Variants in MEIKIN observed in about 807,000 individuals in gnomAD.
The protein encoded by MEIKIN is meiotic kinetochore factor.
intron 11 of MEIKIN, among the ~76,000 whole-genome samples, chr5:131,847,139 G>A (rs1285019946): frequency 1.3e-5 from 2 of 151,956 alleles, no homozygotes; most frequent in Admixed American, 6.6e-5. Flanking sequence ...TGTAGAAAGT[G>A]AAGGACAAAA....
At chr5:131,941,526 T>C (rs1751870265) in intron 4 of MEIKIN, among the ~76,000 whole-genome samples, 1 of 152,188 alleles carries the variant, frequency 6.6e-6, no homozygotes, top group South Asian at 2.1e-4. Flanking sequence ...AGGCTACTTT[T>C]ACCTCTGCAG....
chr5:131,859,603 T>G (rs1750249088), intron 9 of MEIKIN, among the ~76,000 whole-genome samples: 1 of 152,164 alleles, frequency 6.6e-6, no homozygotes, highest in South Asian at 2.1e-4. Context: ...CCCTGAGGCC[T>G]CCCCAGAAGC....
At chr5:131,830,544 G>A (rs1042253998) in intron 11 of MEIKIN, among the ~76,000 whole-genome samples, 1 of 152,220 alleles carries the variant, frequency 6.6e-6, no homozygotes, top group Non-Finnish European at 1.5e-5. Context: ...AAAAATATCT[G>A]CTCAGCAAGA....
chr5:131,842,596 T>C (rs1228187942), intron 11 of MEIKIN, among the ~76,000 whole-genome samples: 43 of 152,178 alleles, frequency 2.8e-4, no homozygotes, highest in Admixed American at 2.8e-3. Context: ...TTGTGATTTG[T>C]TGATTTTTTT....
chr5:131,874,195 A>C (rs928856045), intron 9 of MEIKIN, among the ~76,000 whole-genome samples: 2 of 152,200 alleles, frequency 1.3e-5, no homozygotes, highest in African/African-American at 2.4e-5. Context: ...CGAAAAATTA[A>C]TGAATCCAGG....
intron 8 of MEIKIN, among the ~76,000 whole-genome samples, chr5:131,897,424 T>A (rs1432245221): frequency 6.6e-6 from 1 of 152,222 alleles, no homozygotes; most frequent in Non-Finnish European, 1.5e-5. Context: ...TGAATTTGAA[T>A]GTTGGCCTGC....
At chr5:131,881,499 T>C (rs1264131858) in intron 8 of MEIKIN, among the ~76,000 whole-genome samples, 4 of 152,206 alleles carry the variant, frequency 2.6e-5, no homozygotes, top group Non-Finnish European at 1.5e-5. Context: ...ACCTCCTACA[T>C]GATTTCATTA....
chr5:131,871,748 C>G (rs995527145), intron 9 of MEIKIN, among the ~76,000 whole-genome samples: 64 of 152,182 alleles, frequency 4.2e-4, no homozygotes, highest in Non-Finnish European at 6.5e-4. Context: ...AGGCACCCCC[C>G]AGTAGGGGCG....
chr5:131,935,348 T>C (rs1182670945), intron 4 of MEIKIN, among the ~76,000 whole-genome samples: 1 of 140,018 alleles, frequency 7.1e-6, no homozygotes, highest in Non-Finnish European at 1.6e-5. Flanking sequence ...AGAAAACAAA[T>C]CCTCAATAAG....
intron 11 of MEIKIN, among the ~76,000 whole-genome samples, chr5:131,833,491 G>A (rs1292016912): frequency 1.3e-5 from 2 of 152,218 alleles, no homozygotes; most frequent in Non-Finnish European, 2.9e-5. Flanking sequence ...ACTTCTGCCT[G>A]ATACCCAGTT....
At chr5:131,900,324 C>G (rs1031154553) in intron 8 of MEIKIN, among the ~76,000 whole-genome samples, 1 of 152,116 alleles carries the variant, frequency 6.6e-6, no homozygotes, top group Non-Finnish European at 1.5e-5. Flanking sequence ...AGATGCTAGG[C>G]TAAAGGAAAA....
chr5:131,811,470 C>G (rs1772952549), intron 12 of MEIKIN, among the ~76,000 whole-genome samples: 1 of 151,988 alleles, frequency 6.6e-6, no homozygotes, highest in East Asian at 1.9e-4. Context: ...CCATGCCCAG[C>G]TAATTTTTGT....
intron 8 of MEIKIN, among the ~76,000 whole-genome samples, chr5:131,896,865 C>T (rs1020890815): frequency 6.6e-6 from 1 of 152,164 alleles, no homozygotes; most frequent in Non-Finnish European, 1.5e-5. Flanking sequence ...TTAATTGGGG[C>T]ATTTAGCCCA....
chr5:131,933,458 G>A (rs1751721344), intron 5 of MEIKIN, 55 bp downstream of exon 5: 1 of 394,224 alleles, frequency 2.5e-6, no homozygotes, highest in Non-Finnish European at 4.5e-6. Context: ...AGGATTTGTG[G>A]ACAAAAGAAT....
chr5:131,880,150 C>T (rs1750680692), intron 8 of MEIKIN, among the ~76,000 whole-genome samples: 1 of 151,976 alleles, frequency 6.6e-6, no homozygotes, highest in Non-Finnish European at 1.5e-5. Flanking sequence ...AGTGCAGTGG[C>T]GCGATCTAGG....
intron 5 of MEIKIN, among the ~76,000 whole-genome samples, chr5:131,922,244 G>T (rs978259210): frequency 6.6e-6 from 1 of 152,066 alleles, no homozygotes; most frequent in African/African-American, 2.4e-5. Flanking sequence ...ATACCTATGT[G>T]CCATTAAAAA....
chr5:131,841,496 G>A (rs1333365765), intron 11 of MEIKIN, among the ~76,000 whole-genome samples: 1 of 152,128 alleles, frequency 6.6e-6, no homozygotes, highest in African/African-American at 2.4e-5. Context: ...GACTACTATT[G>A]TTTTCAAATA....
chr5:131,914,316 C>T (rs1239694381), intron 7 of MEIKIN, among the ~76,000 whole-genome samples: 1 of 147,702 alleles, frequency 6.8e-6, no homozygotes, highest in Non-Finnish European at 1.5e-5. Context: ...CCCAGGAGTT[C>T]GAGGTTACAG....
intron 8 of MEIKIN, among the ~76,000 whole-genome samples, chr5:131,910,066 G>A (rs1751306755): frequency 6.6e-6 from 1 of 152,108 alleles, no homozygotes; most frequent in Non-Finnish European, 1.5e-5. Context: ...TCCTACTGCT[G>A]AGTATATACG....
Sources: gnomAD v4.1 joint callset for allele counts (sites outside exome capture counted in the v4.1 genomes callset) on GRCh38, gnomAD v4.1.1 for gene constraint, MANE v1.5 for transcripts, NCBI Gene and HGNC (gene_info 2026-07-23, HGNC 2026-07-21) for gene names.